The following CTNNA2 variants were observed in gnomAD, a reference collection of about 807,000 sequenced individuals.
CTNNA2 encodes catenin alpha 2, also known as catenin alpha-2.
CTNNA2 carries 42 observed loss-of-function variants against 101.0 expected under a neutral mutation model. The observed-to-expected ratio is 0.42, with a 90% CI of 0.32 to 0.54. The LOEUF (loss-of-function observed/expected upper bound fraction) is 0.54. Among genes scored for constraint, CTNNA2 ranks in the 20% least tolerant of loss-of-function variants. CTNNA2 has a pLI of 0.14. For missense variants in CTNNA2, 871 were observed against 1,223.1 expected, an observed-to-expected ratio of 0.71 and a Z score of 4.29; for synonymous variants, 450 against 456.4, an observed-to-expected ratio of 0.99 and a Z score of 0.18.
chr2:79,681,796 G>A (rs1336704222), intron 2 of CTNNA2, among the ~76,000 whole-genome samples: 1 of 152,114 alleles, frequency 6.6e-6, no homozygotes. Context: ...AATATATTTG[G>A]GAAAAACTTA....
chr2:79,507,901 C>T (rs1671448612), intron 5 of CTNNA2, among the ~76,000 whole-genome samples: 1 of 152,174 alleles, frequency 6.6e-6, no homozygotes, highest in Non-Finnish European at 1.5e-5. Flanking sequence ...CCTTTAAATG[C>T]TTTTCACCCA....
intron 2 of CTNNA2, among the ~76,000 whole-genome samples, chr2:79,221,783 A>T (rs897068259): frequency 6.6e-6 from 1 of 152,104 alleles, no homozygotes; most frequent in South Asian, 2.1e-4. Flanking sequence ...AGTCACAGAT[A>T]ATCTTCTCTA....
At chr2:80,137,553 G>A (rs1458485948) in intron 7 of CTNNA2, among the ~76,000 whole-genome samples, 1 of 152,116 alleles carries the variant, frequency 6.6e-6, no homozygotes, top group Non-Finnish European at 1.5e-5. Context: ...GTTCTTTGAA[G>A]AAATGGGACT....
At chr2:80,400,884 C>A (rs1226075819) in intron 8 of CTNNA2, among the ~76,000 whole-genome samples, 1 of 152,178 alleles carries the variant, frequency 6.6e-6, no homozygotes, top group African/African-American at 2.4e-5. Flanking sequence ...AGCTCCTAGA[C>A]CCCAGTTATG....
At chr2:79,394,159 C>T (rs1367929973) in intron 4 of CTNNA2, among the ~76,000 whole-genome samples, 1 of 152,160 alleles carries the variant, frequency 6.6e-6, no homozygotes, top group Non-Finnish European at 1.5e-5. Flanking sequence ...CAAGGCCAGA[C>T]TCTGGACACA....
chr2:79,298,671 G>C (rs1190185912), intron 2 of CTNNA2, among the ~76,000 whole-genome samples: 1 of 151,920 alleles, frequency 6.6e-6, no homozygotes, highest in African/African-American at 2.4e-5. Flanking sequence ...TATACCCAAA[G>C]GTCCAACTCC....
At chr2:79,857,132 A>G (rs976133623) in intron 3 of CTNNA2, among the ~76,000 whole-genome samples, 3 of 152,060 alleles carry the variant, frequency 2.0e-5, no homozygotes, top group Admixed American at 2.0e-4. Flanking sequence ...GAGCCCACGA[A>G]GTGTTCATGC....
intron 7 of CTNNA2, among the ~76,000 whole-genome samples, chr2:80,367,060 T>C (rs541278800): frequency 6.6e-6 from 1 of 151,178 alleles, no homozygotes; most frequent in Non-Finnish European, 1.5e-5. Context: ...GGCAATCAGA[T>C]ACACATGTAT....
intron 2 of CTNNA2, among the ~76,000 whole-genome samples, chr2:79,690,361 A>T (rs1684206137): frequency 6.6e-6 from 1 of 152,044 alleles, no homozygotes. Context: ...AATAAAGTTG[A>T]AATAAAGACA....
At chr2:80,501,239 G>A (rs1687858457) in intron 9 of CTNNA2, among the ~76,000 whole-genome samples, 1 of 152,190 alleles carries the variant, frequency 6.6e-6, no homozygotes. Context: ...ATTATGTGAA[G>A]CAGTCAGAAT....
intron 7 of CTNNA2, among the ~76,000 whole-genome samples, chr2:79,927,901 G>C (rs1391960635): frequency 6.6e-6 from 1 of 152,114 alleles, no homozygotes; most frequent in Non-Finnish European, 1.5e-5. Flanking sequence ...TCATGGCCTA[G>C]TGGACAGGCC....
chr2:79,603,596 C>T (rs914940857), intron 1 of CTNNA2, among the ~76,000 whole-genome samples: 3 of 152,108 alleles, frequency 2.0e-5, no homozygotes, highest in Non-Finnish European at 4.4e-5. Flanking sequence ...AATACCCCGT[C>T]AGAACAGGCA....
chr2:79,415,214 C>G (rs1188593790), intron 4 of CTNNA2, among the ~76,000 whole-genome samples: 1 of 152,050 alleles, frequency 6.6e-6, no homozygotes, highest in Admixed American at 6.6e-5. Context: ...CACATGAGAT[C>G]TGGTTGTTTA....
At chr2:80,494,719 C>T (rs1687318831) in intron 9 of CTNNA2, among the ~76,000 whole-genome samples, 1 of 151,990 alleles carries the variant, frequency 6.6e-6, no homozygotes, top group African/African-American at 2.4e-5. Context: ...TCTTATGTCT[C>T]TGTGGTGTTA....
At chr2:79,532,275 C>T (rs1672792759) in intron 1 of CTNNA2, among the ~76,000 whole-genome samples, 1 of 152,056 alleles carries the variant, frequency 6.6e-6, no homozygotes, top group African/African-American at 2.4e-5. Context: ...TAATTCTGTA[C>T]TAGTCATTAG....
intron 8 of CTNNA2, among the ~76,000 whole-genome samples, chr2:80,397,181 T>G (rs938875567): frequency 1.3e-5 from 2 of 152,200 alleles, no homozygotes; most frequent in Non-Finnish European, 2.9e-5. Context: ...AAACTCTGGC[T>G]GAAGGTGAAC....
chr2:80,254,643 T>G (rs1216625885), intron 7 of CTNNA2, among the ~76,000 whole-genome samples: 1 of 152,170 alleles, frequency 6.6e-6, no homozygotes, highest in Non-Finnish European at 1.5e-5. Context: ...TGATATACAT[T>G]GGAAAAGTTG....
intron 2 of CTNNA2, among the ~76,000 whole-genome samples, chr2:79,231,033 G>A (rs1674485650): frequency 2.0e-5 from 3 of 152,258 alleles, no homozygotes; most frequent in South Asian, 2.1e-4. Context: ...AGGGAGAAGG[G>A]AGTTGTATTG....
intron 7 of CTNNA2, among the ~76,000 whole-genome samples, chr2:80,011,292 A>C (rs1030748121): frequency 1.3e-5 from 2 of 152,158 alleles, no homozygotes; most frequent in Non-Finnish European, 2.9e-5. Context: ...TTTTGTGGCT[A>C]TGTTATTCTT....
Sources: allele counts gnomAD v4.1 joint callset (sites outside exome capture counted in the v4.1 genomes callset), GRCh38; gene constraint gnomAD v4.1.1; transcripts MANE v1.5; gene names NCBI Gene and HGNC (gene_info 2026-07-23, HGNC 2026-07-21).